OPHN1: variants seen among roughly 807,000 people sequenced by gnomAD.
OPHN1 encodes oligophrenin 1.
OPHN1 carries 11 observed loss-of-function variants against 60.7 expected under a neutral mutation model. The ratio of observed to expected loss-of-function variants is 0.18; its 90% confidence interval spans 0.11 to 0.30. OPHN1 has a LOEUF of 0.30. OPHN1 is among the 10% of genes least tolerant of loss of function. The pLI, the probability that OPHN1 is intolerant of heterozygous loss-of-function variation, is 1.00. For synonymous variants in OPHN1, 226 were observed against 222.6 expected (o/e 1.02, Z -0.14); for missense variants, 449 against 611.0 (o/e 0.73, Z 2.80).
intron 3 of OPHN1, among the ~76,000 whole-genome samples, chrX:68,296,647 TAAAAA>T (rs751623342): frequency 2.9e-5 from 2 of 68,423 alleles, no homozygotes; most frequent in African/African-American, 5.4e-5. Flanking sequence ...GACTCCATCT[TAAAAA>T]AAAAAAAAAA....
chrX:68,408,342 A>G (rs2078753881), intron 2 of OPHN1, among the ~76,000 whole-genome samples: 1 of 111,751 alleles, frequency 8.9e-6, no homozygotes, highest in Non-Finnish European at 1.9e-5. Context: ...TCTTTTTCAT[A>G]TCAAAGTTCT....
Position 68,341,503 on chromosome X carries a change from A to G in OPHN1, c.155-42407T>C, listed in dbSNP as rs1352736367. On this transcript the variant is annotated intron_variant, in intron 2 of 24. Transcript: ENST00000355520. ...CCAATTTATTCAACAAGGAAATTGT[A>G]GAAAGAAAAAGGAGGTGGCATTTTT... 5.4e-5 allele frequency among the ~76,000 whole-genome samples: 6 copies of G among 111,659 alleles called. No individual in the cohort carries two copies. In the East Asian group the frequency reaches 1.7e-3, roughly 31 times the overall value.
intron 5 of OPHN1, among the ~76,000 whole-genome samples, chrX:68,270,575 A>T (rs1480232122): frequency 1.4e-5 from 1 of 74,070 alleles, no homozygotes. Context: ...AACATCACAC[A>T]CTGGGGCCTG....
intron 18 of OPHN1, among the ~76,000 whole-genome samples, chrX:68,109,156 T>C (rs1017377548): frequency 1.6e-4 from 18 of 111,014 alleles, no homozygotes; most frequent in African/African-American, 5.9e-4. Flanking sequence ...CATTATCAAT[T>C]ACTCCCCATT....
intron 2 of OPHN1, among the ~76,000 whole-genome samples, chrX:68,318,431 G>A (rs1244890501): frequency 8.9e-6 from 1 of 111,795 alleles, no homozygotes; most frequent in Non-Finnish European, 1.9e-5. Flanking sequence ...AAATGTATAT[G>A]GAAACATAAA....
At chrX:68,071,715 C>T (rs754960322) in intron 20 of OPHN1, 12 of 501,580 alleles carry the variant, frequency 2.4e-5, no homozygotes, top group East Asian at 3.4e-5. Flanking sequence ...CATAATGACC[C>T]GCTGCCCTTT....
rs764301989 is a variant in OPHN1, at chrX:68,266,218, C to T, written c.384+8520G>A. 5.4e-5 allele frequency among the ~76,000 whole-genome samples: 6 copies of T among 111,188 alleles called. No individual in the cohort carries two copies. In the South Asian group the frequency reaches 2.3e-3, roughly 43 times the overall value. ...CCTCGAGAAGAGCAACTCCAAGACACATAATTGTCAGATTCACCAAAGTTC... is the reference window on the plus strand; with the variant it reads ...CCTCGAGAAGAGCAACTCCAAGACATATAATTGTCAGATTCACCAAAGTTC... On this transcript the variant is annotated intron_variant, in intron 5 of 24. Coordinates refer to ENST00000355520, the MANE Select transcript of OPHN1 (RefSeq NM_002547.3).
chrX:68,116,295 T>C (rs1329950940), intron 16 of OPHN1, among the ~76,000 whole-genome samples: 4 of 112,182 alleles, frequency 3.6e-5, no homozygotes, highest in Non-Finnish European at 7.5e-5. Flanking sequence ...CACAAGAGAC[T>C]TTGCAGGGCA....
intron 15 of OPHN1, among the ~76,000 whole-genome samples, chrX:68,167,577 A>G (rs2077364769): frequency 9.0e-6 from 1 of 110,600 alleles, no homozygotes; most frequent in African/African-American, 3.3e-5. Flanking sequence ...GTACATATGT[A>G]TATCTGTATA....
chrX:68,220,463 G>T (rs1227209521), intron 6 of OPHN1, among the ~76,000 whole-genome samples: 2 of 109,614 alleles, frequency 1.8e-5, no homozygotes, highest in Non-Finnish European at 3.8e-5. Context: ...CCAAAGCCTG[G>T]CAGAGACACA....
chrX:68,371,081 A>T (rs1373847184), intron 2 of OPHN1, among the ~76,000 whole-genome samples: 1 of 111,678 alleles, frequency 9.0e-6, no homozygotes, highest in Non-Finnish European at 1.9e-5. Flanking sequence ...GACCCACAAT[A>T]TGGATTAAAA....
At chrX:68,082,266 A>G (rs1191060215) in intron 19 of OPHN1, among the ~76,000 whole-genome samples, 1 of 112,171 alleles carries the variant, frequency 8.9e-6, no homozygotes, top group Admixed American at 9.4e-5. Flanking sequence ...TTTTGTTGAT[A>G]TTTTGACCTC....
At chrX:68,179,419 T>C (rs1195372578) in intron 15 of OPHN1, among the ~76,000 whole-genome samples, 1 of 112,093 alleles carries the variant, frequency 8.9e-6, no homozygotes, top group East Asian at 2.8e-4. Flanking sequence ...ATATAAAACA[T>C]TTATATTATG....
At chrX:68,208,523 T>C (rs958620166) in intron 9 of OPHN1, among the ~76,000 whole-genome samples, 1 of 112,337 alleles carries the variant, frequency 8.9e-6, no homozygotes, top group African/African-American at 3.2e-5. Flanking sequence ...ATTATTGATA[T>C]ACTTGTCTAT....
At chrX:68,386,828 T>C (rs2078626524) in intron 2 of OPHN1, among the ~76,000 whole-genome samples, 1 of 111,504 alleles carries the variant, frequency 9.0e-6, no homozygotes, top group Non-Finnish European at 1.9e-5. Flanking sequence ...GCAACTGTTA[T>C]TAAACTTCGC....
At chrX:68,084,715 A>G (rs909108376) in intron 19 of OPHN1, among the ~76,000 whole-genome samples, 1 of 111,361 alleles carries the variant, frequency 9.0e-6, no homozygotes, top group African/African-American at 3.3e-5. Context: ...AGAGCTGACA[A>G]TTCCACCTGG....
At chrX:68,317,587 AAG>A (rs756950031) in intron 2 of OPHN1, among the ~76,000 whole-genome samples, 16 of 93,884 alleles carry the variant, frequency 1.7e-4, no homozygotes, top group East Asian at 3.2e-4. Context: ...GAAAGAAAGA[AAG>A]AGAGAGAAAG....
At chrX:68,379,977 A>G (rs777322826) in intron 2 of OPHN1, among the ~76,000 whole-genome samples, 113 of 110,094 alleles carry the variant, frequency 1.0e-3, no homozygotes, top group African/African-American at 3.7e-3. Context: ...TTTTTCTATT[A>G]ATTGGAATAG....
At chrX:68,076,747 C>T (rs1159591357) in intron 19 of OPHN1, among the ~76,000 whole-genome samples, 1 of 111,828 alleles carries the variant, frequency 8.9e-6, no homozygotes, top group Admixed American at 9.5e-5. Flanking sequence ...CAAACTGAAA[C>T]AACCCAAATG....
Sources: allele counts gnomAD v4.1 joint callset (sites outside exome capture counted in the v4.1 genomes callset), GRCh38; gene constraint gnomAD v4.1.1; transcripts MANE v1.5; gene names NCBI Gene and HGNC (gene_info 2026-07-23, HGNC 2026-07-21).